GRID2IP: variants seen among roughly 807,000 people sequenced by gnomAD.
The protein encoded by GRID2IP is Grid2 interacting protein.
GRID2IP carries 78 observed loss-of-function variants against 114.3 expected under a neutral mutation model. The ratio of observed to expected loss-of-function variants is 0.68; its 90% confidence interval spans 0.57 to 0.82. The LOEUF (loss-of-function observed/expected upper bound fraction) is 0.82. GRID2IP is among the 40% of genes least tolerant of loss of function. GRID2IP has a pLI of 0.00. For missense variants in GRID2IP, 1,727 were observed against 1,678.5 expected (o/e 1.03, Z -0.51); for synonymous variants, 809 against 724.0 (o/e 1.12, Z -1.89).
chr7:6,503,240 A>AG (rs946635681), intron 16 of GRID2IP, 77 bp from the exon 17 acceptor site: 16 of 504,656 alleles, frequency 3.2e-5, no homozygotes, highest in East Asian at 2.8e-4. Context: ...TTGGGGTGGG[A>AG]GGGGGGGATC....
rs372872594 is a variant in GRID2IP at position 6,501,860 on chromosome 7, T to C, written c.3320A>G (p.His1107Arg). The C allele has an allele frequency of 1.8e-5, 28 of 1,551,542 alleles. No individual in the cohort carries two copies. In the African/African-American group the frequency reaches 3.4e-4, roughly 19 times the overall value. ...RALTSDLADL[H>R]GTISEIQDAC... ...ATCCTGTATCTCGCTGATAGTGCCA[T>C]GGAGGTCAGCCAGGTCACTGGTCAG... is the stretch of plus-strand genomic sequence containing the variant. The change falls in exon 20 of 22, where the codon CAT (histidine) becomes CGT (arginine). Residue 1107 changes from histidine to arginine, a missense_variant. Physicochemically the swap from His to Arg is conservative, Grantham distance 29. Coordinates refer to ENST00000457091, the MANE Select transcript of GRID2IP (RefSeq NM_001145118.2).
Position 6,536,762 on chromosome 7 carries a change from C to T in GRID2IP, c.584+2956G>A. ...CATCATCTCCGCGGCAAATTCGGCT[C>T]TAGAAATAACTTTTTTCCTTTTTTC... On this transcript the variant is annotated intron_variant, in intron 2 of 21. Coordinates refer to ENST00000457091, the MANE Select transcript of GRID2IP (RefSeq NM_001145118.2). This position sits in a 1 kb window ranked among gnomAD's most constrained non-coding sequence, Gnocchi z 5.3. The T allele has an allele frequency of 1.4e-6, 1 of 701,570 alleles. No individual in the cohort carries two copies. The highest frequency in any genetic ancestry group is 2.6e-6 in the Non-Finnish European group (1 of 384,066). The allele number at this position is 701,570 out of a possible 1,614,324, so 43.5% of individuals were successfully genotyped here. A position where few individuals can be genotyped will look rare whatever the true frequency, so the allele number is the denominator to read the frequency against.
At chr7:6,545,000 T>C (rs1328566048) in intron 1 of GRID2IP, among the ~76,000 whole-genome samples, 2 of 151,952 alleles carry the variant, frequency 1.3e-5, no homozygotes, top group South Asian at 2.1e-4. Flanking sequence ...GGCAGGAGAA[T>C]GGTGTGAACC....
chr7:6,505,471 G>A (rs754387201), intron 14 of GRID2IP, among the ~76,000 whole-genome samples: 3 of 150,134 alleles, frequency 2.0e-5, no homozygotes, highest in Non-Finnish European at 2.9e-5. Flanking sequence ...AGGCTCAATC[G>A]ATCCTCCCAA....
At position 6,516,302 on chromosome 7, in the gene GRID2IP, G is replaced by A. The variant is rs1433634748; in HGVS notation, c.1269-1773C>T. On this transcript the variant is annotated intron_variant, in intron 7 of 21. Transcript: ENST00000457091. This position sits in a 1 kb window ranked among gnomAD's most constrained non-coding sequence, Gnocchi z 4.3. ...ACATAGAATAAGAATAGTTATACTAGAAATAGATTATAGATATGTATATGA... is the reference window on the plus strand; with the variant it reads ...ACATAGAATAAGAATAGTTATACTAAAAATAGATTATAGATATGTATATGA... Among the ~76,000 whole-genome samples the A allele has an allele frequency of 6.6e-6, 1 of 151,792 alleles. No individual in the cohort carries two copies. The highest frequency in any genetic ancestry group is 1.5e-5 in the Non-Finnish European group (1 of 67,960).
In GRID2IP at chr7:6,539,720, G is replaced by C. The variant is rs1210079154; in HGVS notation, c.582C>G (p.Leu194=). The C allele has an allele frequency of 6.5e-7, 1 of 1,548,130 alleles. No homozygotes were observed. ...ATCCTGCCCCCTGCCCGCAGTACCT[G>C]AGGTTGTCCAGGAGTGGCCCGCAGG... ...REACGPLLDN[L]RIFIPKKHRA... The change falls in exon 2 of 22, where the codon CTC becomes CTG. Residue 194 remains leucine, a splice_region_variant and synonymous_variant. Coordinates refer to ENST00000457091, the MANE Select transcript of GRID2IP (RefSeq NM_001145118.2).
chr7:6,503,925 G>T (rs968276910), intron 15 of GRID2IP, among the ~76,000 whole-genome samples: 1 of 132,180 alleles, frequency 7.6e-6, no homozygotes, highest in Non-Finnish European at 1.6e-5. Flanking sequence ...CTAAGGGGAA[G>T]AAAAAAGGAA....
At chr7:6,548,725 C>G (rs1779923005) in intron 1 of GRID2IP, among the ~76,000 whole-genome samples, 1 of 151,780 alleles carries the variant, frequency 6.6e-6, no homozygotes, top group Non-Finnish European at 1.5e-5. Flanking sequence ...GCCTGTAATC[C>G]CAGCTACGCG....
intron 2 of GRID2IP, among the ~76,000 whole-genome samples, chr7:6,538,813 G>T (rs1011554987): frequency 6.6e-6 from 1 of 152,092 alleles, no homozygotes; most frequent in Non-Finnish European, 1.5e-5. Context: ...GGCAGAGGTT[G>T]CAGTGAGCCG....
At chr7:6,542,954 C>CA (rs1779835145) in intron 1 of GRID2IP, among the ~76,000 whole-genome samples, 2 of 152,142 alleles carry the variant, frequency 1.3e-5, no homozygotes, top group Admixed American at 1.3e-4. Flanking sequence ...ATGAGTCGTT[C>CA]ACGTCTCCCT....
chr7:6,526,326 G>A lies in GRID2IP; in HGVS notation c.834-17C>T. On this transcript the variant is annotated splice_polypyrimidine_tract_variant and intron_variant, in intron 3 of 21. Coordinates refer to ENST00000457091, the MANE Select transcript of GRID2IP (RefSeq NM_001145118.2). The surrounding 1 kb of genome is among the most constrained non-coding windows in gnomAD (Gnocchi z 7.6). ...CGGACAGTCCTGGGGGAAAAAGAAG[G>A]GGCGAGCAGCATGATGGAGAGGGGG... is the stretch of plus-strand genomic sequence containing the variant. The A allele has an allele frequency of 6.5e-7, 1 of 1,550,190 alleles. No homozygotes were observed. Among genetic ancestry groups the A allele is most frequent in the Non-Finnish European group, 8.7e-7 (1 of 1,145,658 alleles).
intron 15 of GRID2IP, 128 bp from the exon 16 acceptor site, chr7:6,503,815 G>A (rs1038500981): frequency 9.4e-6 from 6 of 638,678 alleles, no homozygotes; most frequent in Non-Finnish European, 1.5e-5. Flanking sequence ...AGAGGACGGG[G>A]CCTTGAGGCT....
At chr7:6,545,203 C>G (rs181792200) in intron 1 of GRID2IP, among the ~76,000 whole-genome samples, 1 of 152,038 alleles carries the variant, frequency 6.6e-6, no homozygotes, top group African/African-American at 2.4e-5. Context: ...CTCTTGTGCC[C>G]GGGAAATCAA....
At chr7:6,499,855 G>A (rs1453525996) in intron 20 of GRID2IP, among the ~76,000 whole-genome samples, 1 of 152,068 alleles carries the variant, frequency 6.6e-6, no homozygotes, top group Non-Finnish European at 1.5e-5. Context: ...TCAGCCTCCT[G>A]AGTAGCTGGG....
intron 20 of GRID2IP, among the ~76,000 whole-genome samples, chr7:6,501,567 C>T (rs1412127122): frequency 6.6e-6 from 1 of 152,106 alleles, no homozygotes; most frequent in African/African-American, 2.4e-5. Flanking sequence ...CCAGGCATAG[C>T]CTGGGTGACA....
chr7:6,524,236 G>A (rs1779464071), intron 4 of GRID2IP, among the ~76,000 whole-genome samples: 1 of 152,212 alleles, frequency 6.6e-6, no homozygotes, highest in South Asian at 2.1e-4. Context: ...TGGGACTACA[G>A]GATCAGACGA....
chr7:6,498,216 T>A lies in GRID2IP; in HGVS notation c.3412A>T (p.Thr1138Ser). 1 of 1,544,372 alleles carries A rather than the reference T, an allele frequency of 6.5e-7. No homozygotes were observed. Among genetic ancestry groups the A allele is most frequent in the Non-Finnish European group, 8.7e-7 (1 of 1,144,446 alleles). ...AGCGCCCGAAGTGCTGGCTGGGCCG[T>A]CTCCAGGAAGGACTGACAGGCCTCA... ...FAMVMSSFLE[T>S]AQPALRALDG... Residue 1138 changes from threonine (T) to serine (S), a missense_variant, in exon 21 of 22, where the codon ACG (threonine) becomes TCG (serine). Coordinates refer to ENST00000457091, the MANE Select transcript of GRID2IP (RefSeq NM_001145118.2).
Position 6,507,934 on chromosome 7 carries a change from C to G in GRID2IP, c.2544+51G>C, listed in dbSNP as rs139396652. 12,811 of 1,540,566 alleles carry G rather than the reference C, an allele frequency of 8.3e-3. 349 individuals carry two copies. The highest frequency in any genetic ancestry group is 0.057 in the East Asian group (2,314 of 40,804). ...ATGGGTTTTCCTTCAGTGCTGCTGC[C>G]CAAGCCATCCTCCCCCAGTACAGAG... On this transcript the variant is annotated intron_variant, in intron 13 of 21. Transcript: ENST00000457091. This position sits in a 1 kb window ranked among gnomAD's most constrained non-coding sequence, Gnocchi z 5.3.
rs1251732719 is a variant in GRID2IP at position 6,528,051 on chromosome 7, C to T, written c.585-1282G>A. ...GGGATTAGACGTGAGCCACTGTGCC[C>T]GGCATTTTTTTTTCTTTTTAATTTT... On this transcript the variant is annotated intron_variant, in intron 2 of 21. Coordinates refer to ENST00000457091, the MANE Select transcript of GRID2IP (RefSeq NM_001145118.2). The surrounding 1 kb of genome is among the most constrained non-coding windows in gnomAD (Gnocchi z 6.0). Among the ~76,000 whole-genome samples the T allele has an allele frequency of 2.6e-5, 4 of 151,442 alleles. No individual in the cohort carries two copies. Among genetic ancestry groups the T allele is most frequent in the Admixed American group, 6.6e-5 (1 of 15,152 alleles).
Sources: gnomAD v4.1 joint callset for allele counts (sites outside exome capture counted in the v4.1 genomes callset) on GRCh38, gnomAD v4.1.1 for gene constraint, Gnocchi (gnomAD v3.1) non-coding constraint, MANE v1.5 for transcripts, NCBI Gene and HGNC (gene_info 2026-07-23, HGNC 2026-07-21) for gene names.